MYO16: variants seen among roughly 807,000 people sequenced by gnomAD.
The protein encoded by MYO16 is myosin XVI, also known as unconventional myosin-XVI.
Under a neutral mutation model 205.3 loss-of-function variants are expected in MYO16, and 94 were observed. The ratio of observed to expected loss-of-function variants is 0.46; its 90% confidence interval spans 0.39 to 0.54. The LOEUF (loss-of-function observed/expected upper bound fraction) is 0.54, where lower values mean the gene tolerates loss of function less well. Ranked by LOEUF, MYO16 falls within the 20% of genes least tolerant of loss-of-function variation. MYO16 has a pLI of 0.00. For missense variants in MYO16, 2,315 were observed against 2,387.5 expected, an observed-to-expected ratio of 0.97 and a Z score of 0.63; for synonymous variants, 988 against 954.0, an observed-to-expected ratio of 1.04 and a Z score of -0.66.
intron 1 of MYO16, among the ~76,000 whole-genome samples, chr13:108,652,183 G>GCA: frequency 6.6e-6 from 1 of 152,296 alleles, no homozygotes; most frequent in East Asian, 1.9e-4. Flanking sequence ...GCGCGTGTGT[G>GCA]TGTGTGAATG....
At chr13:108,613,565 A>G (rs1182807956) in intron 1 of MYO16, among the ~76,000 whole-genome samples, 2 of 152,148 alleles carry the variant, frequency 1.3e-5, no homozygotes, top group East Asian at 1.9e-4. Context: ...TAGAAACTCC[A>G]GACAAAAGTC....
At position 109,140,526 on chromosome 13, in the gene MYO16, G is replaced by A; in HGVS notation, c.4314G>A (p.Leu1438=). The A allele has an allele frequency of 1.3e-6, 2 of 1,552,152 alleles. No homozygotes were observed. Among genetic ancestry groups the A allele is most frequent in the Non-Finnish European group, 1.7e-6 (2 of 1,157,130 alleles). ...DDSEPVYIEM[L]GHAARPDSPD... ...GCGAGCCTGTGTACATCGAGATGCT[G>A]GGGCACGCGGCCAGGCCCGATAGCC... The change falls in exon 32 of 35, where the codon CTG becomes CTA. Residue 1438 remains leucine, a synonymous_variant. Transcript: ENST00000457511. This position sits in a 1 kb window ranked among gnomAD's most constrained non-coding sequence, Gnocchi z 8.0.
intron 1 of MYO16, among the ~76,000 whole-genome samples, chr13:108,602,125 G>T (rs1055401523): frequency 1.5e-5 from 2 of 134,726 alleles, no homozygotes; most frequent in Non-Finnish European, 3.2e-5. Context: ...AAAAAAAACA[G>T]CCCAGGAAGA....
chr13:108,669,107 A>G (rs919642314), intron 2 of MYO16, among the ~76,000 whole-genome samples: 1 of 152,134 alleles, frequency 6.6e-6, no homozygotes, highest in Non-Finnish European at 1.5e-5. Flanking sequence ...GAAAGAGTTT[A>G]GGTAAAACGA....
rs1264374344 is a variant in MYO16 at position 109,019,780 on chromosome 13, C to A, written c.2665C>A (p.Pro889Thr). The A allele has an allele frequency of 6.2e-7, 1 of 1,614,006 alleles. No homozygotes were observed. The highest frequency in any genetic ancestry group is 1.7e-5 in the Admixed American group (1 of 59,980). Reference sequence around the variant, plus strand: ...GATTTGGTCAGTGGAATCAAATTTTCCAAAAAAACTACAAAGTCTCCTAGA... The same window carrying A: ...GATTTGGTCAGTGGAATCAAATTTTACAAAAAAACTACAAAGTCTCCTAGA... ...QMIWSVESNF[P>T]KKLQSLLESS... Residue 889 changes from proline (P) to threonine (T), a missense_variant, in exon 23 of 35, where the codon CCA becomes ACA. By Grantham distance (38) the Pro-to-Thr change is conservative (BLOSUM62 -1). Around this residue, in one of 3 missense-constraint regions of MYO16, gnomAD observed 1,213 missense variants for 1,274.4 expected, o/e 0.95. Coordinates refer to ENST00000457511, the MANE Select transcript of MYO16 (RefSeq NM_001198950.3).
chr13:108,647,414 T>C (rs1880803476), intron 1 of MYO16, among the ~76,000 whole-genome samples: 1 of 152,192 alleles, frequency 6.6e-6, no homozygotes, highest in South Asian at 2.1e-4. Flanking sequence ...ATGGTTCCTG[T>C]GGCAGAACTG....
At chr13:108,771,017 G>T (rs1011693885) in intron 4 of MYO16, among the ~76,000 whole-genome samples, 7 of 152,162 alleles carry the variant, frequency 4.6e-5, no homozygotes, top group Admixed American at 6.5e-5. Context: ...AATTCCCTGT[G>T]TTATTAACAT....
chr13:108,948,802 G>A (rs140854633), intron 16 of MYO16, among the ~76,000 whole-genome samples: 141 of 152,258 alleles, frequency 9.3e-4, no homozygotes, highest in African/African-American at 3.2e-3. Flanking sequence ...TTACTTATGC[G>A]TTCTCAGGTG....
chr13:108,851,584 A>C (rs1375195110), intron 10 of MYO16, among the ~76,000 whole-genome samples: 3 of 152,330 alleles, frequency 2.0e-5, no homozygotes, highest in Admixed American at 6.5e-5. Context: ...TCTCTATAAG[A>C]AAACCTTCAA....
At chr13:109,156,465 A>G (rs941495742) in intron 32 of MYO16, among the ~76,000 whole-genome samples, 2 of 152,156 alleles carry the variant, frequency 1.3e-5, no homozygotes, top group African/African-American at 4.8e-5. Context: ...GTATTTTCAC[A>G]TTTTTTATGC....
chr13:108,763,849 C>T (rs1885693816), intron 4 of MYO16, among the ~76,000 whole-genome samples: 1 of 148,880 alleles, frequency 6.7e-6, no homozygotes, highest in Non-Finnish European at 1.5e-5. Context: ...GACAGAAGTC[C>T]TGGAGTAAAT....
At chr13:108,588,783 T>TTGCATGA in the MYO16 span, among the ~76,000 whole-genome samples, 8 of 152,156 alleles carry the variant, frequency 5.3e-5, no homozygotes, top group African/African-American at 1.9e-4. Flanking sequence ...TTTCCTCAGG[T>TTGCATGA]TGCATGATTG....
chr13:108,591,824 AG>A (rs1352449975), upstream of MYO16, among the ~76,000 whole-genome samples: 1 of 152,098 alleles, frequency 6.6e-6, no homozygotes, highest in African/African-American at 2.4e-5. Flanking sequence ...AATTTGGAAA[AG>A]GTCCTGACTT....
intron 1 of MYO16, chr13:108,659,473 T>C: frequency 3.6e-6 from 1 of 279,996 alleles, no homozygotes; most frequent in Non-Finnish European, 7.1e-6. Flanking sequence ...TATCTGGAAT[T>C]GCAGGATAAC....
intron 27 of MYO16, among the ~76,000 whole-genome samples, chr13:109,094,509 C>A (rs1339695633): frequency 1.3e-5 from 2 of 152,186 alleles, no homozygotes; most frequent in African/African-American, 4.8e-5. Flanking sequence ...CTGTTCCCAG[C>A]CCTTATTTAC....
At chr13:108,972,239 C>CTA (rs1884047723) in intron 20 of MYO16, among the ~76,000 whole-genome samples, 1 of 15,476 alleles carries the variant, frequency 6.5e-5, no homozygotes, top group Non-Finnish European at 1.3e-4. Context: ...CTCTCTCTCT[C>CTA]TCTCTCTCTC....
At chr13:108,599,043 C>T (rs1449481113) in intron 1 of MYO16, among the ~76,000 whole-genome samples, 1 of 140,680 alleles carries the variant, frequency 7.1e-6, no homozygotes, top group African/African-American at 2.7e-5. Flanking sequence ...TTCCTGTGTC[C>T]GTGTGTTCTC....
intron 27 of MYO16, among the ~76,000 whole-genome samples, chr13:109,060,504 C>T (rs1897274): frequency 0.49 from 74,609 of 150,938 alleles, 18,484 homozygotes; most frequent in Middle Eastern, 0.55. Context: ...GGCAAGGGGA[C>T]GGAGACCATT....
chr13:108,554,537 T>A, the MYO16 span, among the ~76,000 whole-genome samples: 1 of 152,148 alleles, frequency 6.6e-6, no homozygotes, highest in African/African-American at 2.4e-5. Flanking sequence ...AATCCACATT[T>A]ATAATATTTT....
Sources: allele counts gnomAD v4.1 joint callset (sites outside exome capture counted in the v4.1 genomes callset), GRCh38; gene constraint gnomAD v4.1.1; regional missense constraint gnomAD v4.1.1; non-coding constraint Gnocchi (gnomAD v3.1); transcripts MANE v1.5; gene names NCBI Gene and HGNC (gene_info 2026-07-23, HGNC 2026-07-21).